The following CFAP58 variants were observed in gnomAD, a reference collection of about 807,000 sequenced individuals.
CFAP58 encodes cilia and flagella associated protein 58, also known as cilia- and flagella-associated protein 58.
Under a neutral mutation model 119.5 loss-of-function variants are expected in CFAP58, and 88 were observed. The observed-to-expected ratio is 0.74, with a 90% CI of 0.62 to 0.88. CFAP58 has a LOEUF of 0.88. CFAP58 is among the 40% of genes least tolerant of loss of function. The pLI is 0.00. For missense variants in CFAP58, 990 were observed against 1,021.2 expected (o/e 0.97, Z 0.42); for synonymous variants, 365 against 366.3 (o/e 1.00, Z 0.04).
intron 8 of CFAP58, among the ~76,000 whole-genome samples, chr10:104,379,392 A>G (rs1321692490): frequency 2.0e-5 from 3 of 151,854 alleles, no homozygotes; most frequent in African/African-American, 7.3e-5. Context: ...GATATACTAT[A>G]TTTTGCTTAT....
rs1379839244 is a variant in CFAP58 at position 104,371,033 on chromosome 10, C to A, written c.1069C>A (p.Gln357Lys). ...ACAGCACAAAGAAACCCTAAAAAAT[C>A]AGATTGTGGGATTAGAGAGAGGTAA... ...VEQHKETLKN[Q>K]IVGLEREVEA... is the part of the protein sequence containing the mutation. The change falls in exon 7 of 18, where the codon CAG becomes AAG. Residue 357 changes from glutamine to lysine, a missense_variant. Physicochemically the swap from Gln to Lys is moderately conservative, Grantham distance 53. Transcript: ENST00000369704. The A allele has an allele frequency of 6.2e-7, 1 of 1,610,216 alleles. No homozygotes were observed. The highest frequency in any genetic ancestry group is 1.3e-5 in the African/African-American group (1 of 74,586).
chr10:104,411,836 G>T (rs2012466465), intron 15 of CFAP58, among the ~76,000 whole-genome samples: 1 of 151,866 alleles, frequency 6.6e-6, no homozygotes, highest in Admixed American at 6.6e-5. Context: ...CCAGTGGGTA[G>T]ATTTCTATTG....
chr10:104,438,376 T>TG lies in CFAP58; in HGVS notation c.2257-9322_2257-9321insG, dbSNP rs2012977635. ...TTTTTTTTTTGTTTTTTTTTTTTGT[T>TG]TTTTTTTTTTGAGACGGAGTCTCGC... On this transcript the variant is annotated intron_variant, in intron 15 of 17. Coordinates refer to ENST00000369704, the MANE Select transcript of CFAP58 (RefSeq NM_001008723.2). Among the ~76,000 whole-genome samples, 62 of 96,050 alleles carry TG rather than the reference T, an allele frequency of 6.5e-4. 2 individuals are homozygous for TG. Among genetic ancestry groups the TG allele is most frequent in the African/African-American group, 2.5e-3 (54 of 21,978 alleles). The allele number at this position is 96,050 out of a possible 152,430, so 63.0% of individuals were successfully genotyped here. A position where few individuals can be genotyped will look rare whatever the true frequency, so the allele number is the denominator to read the frequency against.
At chr10:104,395,336 G>A (rs1341606129) in intron 11 of CFAP58, among the ~76,000 whole-genome samples, 2 of 152,156 alleles carry the variant, frequency 1.3e-5, no homozygotes, top group Non-Finnish European at 2.9e-5. Context: ...TGATTAAAAG[G>A]CTTCTGCTCC....
At chr10:104,406,567 T>C in intron 14 of CFAP58, 122 bp from the exon 15 acceptor site, 1 of 684,786 alleles carries the variant, frequency 1.5e-6, no homozygotes, top group South Asian at 2.2e-5. Flanking sequence ...GTTCTAATTC[T>C]CTCTGTATTA....
chr10:104,388,655 A>AT (rs879380127), intron 9 of CFAP58, among the ~76,000 whole-genome samples: 10 of 152,366 alleles, frequency 6.6e-5, no homozygotes, highest in Middle Eastern at 3.4e-3. Context: ...GGAGAAGTTT[A>AT]TTGTACTGAT....
At chr10:104,412,125 C>G (rs925801504) in intron 15 of CFAP58, among the ~76,000 whole-genome samples, 3 of 152,168 alleles carry the variant, frequency 2.0e-5, no homozygotes, top group African/African-American at 7.2e-5. Context: ...TTTTACTCAG[C>G]ATGTCTAATG....
chr10:104,401,702 T>C (rs1423349871), intron 13 of CFAP58, among the ~76,000 whole-genome samples: 2 of 152,192 alleles, frequency 1.3e-5, no homozygotes, highest in African/African-American at 4.8e-5. Flanking sequence ...TTAAATGCAA[T>C]GAATATATGC....
At position 104,449,067 on chromosome 10, in the gene CFAP58, T is replaced by G. The variant is rs184409183; in HGVS notation, c.2377-1004T>G. Among the ~76,000 whole-genome samples, 21 of 152,292 alleles carry G rather than the reference T, an allele frequency of 1.4e-4. No individual in the cohort carries two copies. In the East Asian group the frequency reaches 4.1e-3, roughly 29 times the overall value. On this transcript the variant is annotated intron_variant, in intron 16 of 17. Transcript: ENST00000369704. ...GGGTGGTACTGAGCATGTCTGCCAG[T>G]TTGTCCTTGATACTTACCTACTCTT...
At chr10:104,364,672 G>T (rs929312598) in intron 3 of CFAP58, 61 bp from the exon 4 acceptor site, 1 of 1,488,746 alleles carries the variant, frequency 6.7e-7, no homozygotes, top group African/African-American at 1.4e-5. Flanking sequence ...CTCAGAGAAT[G>T]ATATGAAGGA....
intron 7 of CFAP58, among the ~76,000 whole-genome samples, chr10:104,375,961 C>G (rs1174433741): frequency 2.0e-5 from 3 of 152,060 alleles, no homozygotes; most frequent in African/African-American, 7.2e-5. Context: ...ACTTCAGGGA[C>G]AGCAGGTTAT....
At chr10:104,373,330 C>CA (rs2014847939) in intron 7 of CFAP58, among the ~76,000 whole-genome samples, 1 of 151,904 alleles carries the variant, frequency 6.6e-6, no homozygotes, top group Non-Finnish European at 1.5e-5. Context: ...TTAATTTTTC[C>CA]AAAAAAATTT....
chr10:104,367,024 A>C (rs1034383268), intron 5 of CFAP58, among the ~76,000 whole-genome samples: 1 of 151,694 alleles, frequency 6.6e-6, no homozygotes, highest in Non-Finnish European at 1.5e-5. Flanking sequence ...ATGCCTGGCT[A>C]ATTTTTATAT....
chr10:104,433,285 G>C (rs1318704162), intron 15 of CFAP58, among the ~76,000 whole-genome samples: 1 of 152,166 alleles, frequency 6.6e-6, no homozygotes, highest in Non-Finnish European at 1.5e-5. Context: ...GTAGAATCTT[G>C]CTATGTTGTC....
intron 6 of CFAP58, among the ~76,000 whole-genome samples, chr10:104,369,765 T>C (rs937802302): frequency 1.3e-5 from 2 of 152,214 alleles, no homozygotes; most frequent in South Asian, 4.1e-4. Context: ...GAGGATAACA[T>C]GAACAGCTAA....
chr10:104,415,994 C>A (rs1190576732), intron 15 of CFAP58, among the ~76,000 whole-genome samples: 1 of 152,160 alleles, frequency 6.6e-6, no homozygotes, highest in Non-Finnish European at 1.5e-5. Context: ...GGTGAGTACA[C>A]AATGACTGTT....
intron 9 of CFAP58, 51 bp from the exon 10 acceptor site, chr10:104,392,181 AT>A (rs2012058253): frequency 6.6e-7 from 1 of 1,515,422 alleles, no homozygotes; most frequent in African/African-American, 1.5e-5. Flanking sequence ...TCCTGAACCA[AT>A]AAGCACAGAT....
At chr10:104,398,258 A>C (rs375339882) in intron 11 of CFAP58, among the ~76,000 whole-genome samples, 8 of 152,186 alleles carry the variant, frequency 5.3e-5, no homozygotes, top group African/African-American at 1.9e-4. Context: ...CGAATCCCTC[A>C]AGTCTTGCTT....
chr10:104,384,041 AG>A (rs771114929), intron 9 of CFAP58, among the ~76,000 whole-genome samples: 17 of 152,234 alleles, frequency 1.1e-4, no homozygotes, highest in Non-Finnish European at 2.5e-4. Flanking sequence ...AATGAGAACT[AG>A]GAATCAGCCC....
Sources: gnomAD v4.1 joint callset for allele counts (sites outside exome capture counted in the v4.1 genomes callset) on GRCh38, gnomAD v4.1.1 for gene constraint, MANE v1.5 for transcripts, NCBI Gene and HGNC (gene_info 2026-07-23, HGNC 2026-07-21) for gene names.